ZNF577: variants seen among roughly 807,000 people sequenced by gnomAD.
ZNF577 encodes the protein zinc finger protein 577.
Under a neutral mutation model 13.9 loss-of-function variants are expected in ZNF577, and 14 were observed. The ratio of observed to expected loss-of-function variants is 1.00; its 90% confidence interval spans 0.66 to 1.57. The LOEUF is 1.57. Ranked by LOEUF, ZNF577 falls within the 40% of genes most tolerant of loss-of-function variation. The probability of loss-of-function intolerance (pLI) is 0.00; values close to 1 mark genes in which losing one functional copy is unlikely to be tolerated. For synonymous variants in ZNF577, 203 were observed against 202.9 expected (o/e 1.00, Z 0.00); for missense variants, 555 against 579.2 (o/e 0.96, Z 0.43).
At chr19:51,811,325 C>A (rs985146393) in intron 10 of ZNF577, 1 of 152,162 alleles carries the variant, frequency 6.6e-6, no homozygotes, top group Non-Finnish European at 1.5e-5. Context: ...AACCTGAGCA[C>A]CAGTTTGTTT....
chr19:51,838,504 T>TA (rs994763218), intron 9 of ZNF577, among the ~76,000 whole-genome samples: 21 of 149,260 alleles, frequency 1.4e-4, no homozygotes, highest in Non-Finnish European at 2.8e-4. Flanking sequence ...AATTTTTTTT[T>TA]AAAATAGCCA....
intron 9 of ZNF577, among the ~76,000 whole-genome samples, chr19:51,816,695 A>G (rs1359897259): frequency 6.6e-6 from 1 of 152,224 alleles, no homozygotes; most frequent in Non-Finnish European, 1.5e-5. Context: ...AGGTGGCCAC[A>G]TGGGACTTGC....
intron 5 of ZNF577, among the ~76,000 whole-genome samples, chr19:51,851,954 C>T (rs1247176079): frequency 6.6e-6 from 1 of 152,208 alleles, no homozygotes; most frequent in African/African-American, 2.4e-5. Context: ...TGCCACATCC[C>T]CAAGTCACGA....
At chr19:51,827,362 C>A (rs1025192289) in intron 9 of ZNF577, among the ~76,000 whole-genome samples, 6 of 152,226 alleles carry the variant, frequency 3.9e-5, no homozygotes, top group Admixed American at 1.3e-4. Context: ...CACTTATTGG[C>A]ATGAGACAGT....
intron 5 of ZNF577, among the ~76,000 whole-genome samples, chr19:51,858,697 A>G (rs940539868): frequency 6.6e-6 from 1 of 152,206 alleles, no homozygotes; most frequent in African/African-American, 2.4e-5. Context: ...TGGAGGTAAA[A>G]AAAAACCTTG....
intron 9 of ZNF577, chr19:51,825,937 G>A (rs1456399412): frequency 6.0e-6 from 1 of 167,046 alleles, no homozygotes; most frequent in Non-Finnish European, 1.5e-5. Flanking sequence ...TAAGTAAAAT[G>A]TTTGCCATAG....
chr19:51,841,608 GA>G (rs1380313505), intron 8 of ZNF577, among the ~76,000 whole-genome samples: 1 of 151,880 alleles, frequency 6.6e-6, no homozygotes, highest in Non-Finnish European at 1.5e-5. Flanking sequence ...TAAAACTCAA[GA>G]AAAAAAATCT....
intron 2 of ZNF577, 68 bp downstream of exon 2, chr19:51,880,608 CAGA>C: frequency 3.5e-6 from 2 of 572,852 alleles, no homozygotes; most frequent in South Asian, 2.2e-5. Flanking sequence ...CTCATTTAAC[CAGA>C]CTGTCTTTTA....
chr19:51,861,293 T>TG (rs200979439), intron 5 of ZNF577: 5,000 of 164,418 alleles, frequency 0.03, 267 homozygotes, highest in African/African-American at 0.11. Flanking sequence ...ATTTGTTTTT[T>TG]TTTTTTTTTG....
Position 51,869,565 on chromosome 19 carries a change from T to G in ZNF577, c.*2967A>C, listed in dbSNP as rs550817948. Among the ~76,000 whole-genome samples, 6 of 152,244 alleles carry G rather than the reference T, an allele frequency of 3.9e-5. No homozygotes were observed. In the South Asian group the frequency reaches 1.2e-3, roughly 32 times the overall value. On this transcript the variant is annotated 3_prime_UTR_variant, in exon 6 of 6. Coordinates refer to ENST00000638348, the MANE Select transcript of ZNF577 (RefSeq NM_001370449.1). ...CCAGTGCCGGTGCGGGTCCTCCATA[T>G]GCTGAGCACCGGTCCCCTGGGGCCA...
At chr19:51,817,389 A>AAGAG (rs910161184) in intron 9 of ZNF577, among the ~76,000 whole-genome samples, 2 of 150,846 alleles carry the variant, frequency 1.3e-5, no homozygotes, top group African/African-American at 2.4e-5. Context: ...AGAAATCATA[A>AAGAG]AGAGAGAGAG....
intron 9 of ZNF577, among the ~76,000 whole-genome samples, chr19:51,815,981 C>A (rs1289955828): frequency 1.3e-5 from 2 of 151,788 alleles, no homozygotes; most frequent in Non-Finnish European, 2.9e-5. Flanking sequence ...GTGGGAGGAT[C>A]ACTTGAGCCC....
chr19:51,805,551 G>C (rs1482107422), intron 10 of ZNF577, among the ~76,000 whole-genome samples: 2 of 152,218 alleles, frequency 1.3e-5, no homozygotes, highest in African/African-American at 4.8e-5. Context: ...ACAAATACGA[G>C]TGTGATTAAA....
At chr19:51,885,727 C>T (rs113152755) in intron 1 of ZNF577, among the ~76,000 whole-genome samples, 2,286 of 152,222 alleles carry the variant, frequency 0.015, 73 homozygotes, top group African/African-American at 0.052. Flanking sequence ...CCAGATGTCT[C>T]GAACTCCTGA....
At position 51,873,137 on chromosome 19, in the gene ZNF577, G is replaced by T; in HGVS notation, c.853C>A (p.Leu285Ile). Residue 285 changes from leucine to isoleucine, a missense_variant, in exon 6 of 6, where the codon CTC (leucine) becomes ATC (isoleucine). By Grantham distance (5) the Leu-to-Ile change is conservative (BLOSUM62 2). Transcript: ENST00000638348. ...CGKAFSQKAY[L>I]TAHQRLHTGD... ...GTGTGAAGTCTCTGGTGTGCAGTGAGGTATGCCTTCTGAGAAAAGGCTTTC... is the reference window on the plus strand; with the variant it reads ...GTGTGAAGTCTCTGGTGTGCAGTGATGTATGCCTTCTGAGAAAAGGCTTTC... The T allele has an allele frequency of 6.2e-7, 1 of 1,614,134 alleles. No individual in the cohort carries two copies. Among genetic ancestry groups the T allele is most frequent in the South Asian group, 1.1e-5 (1 of 91,080 alleles).
downstream of ZNF577, among the ~76,000 whole-genome samples, chr19:51,864,192 T>C (rs140568073): frequency 0.011 from 1,619 of 152,354 alleles, 27 homozygotes; most frequent in African/African-American, 0.034. Flanking sequence ...CTACATCATA[T>C]AGCATTTTTT....
chr19:51,860,676 A>G (rs2084487519), intron 5 of ZNF577: 1 of 195,406 alleles, frequency 5.1e-6, no homozygotes, highest in African/African-American at 2.4e-5. Flanking sequence ...AGAAGGACCT[A>G]TCTACCACAT....
intron 5 of ZNF577, chr19:51,860,791 A>C (rs1205287506): frequency 6.9e-6 from 2 of 290,194 alleles, no homozygotes; most frequent in East Asian, 3.0e-4. Flanking sequence ...TATAACAAGA[A>C]AGATAAACAT....
chr19:51,810,115 A>G (rs1251762380), intron 10 of ZNF577, among the ~76,000 whole-genome samples: 3 of 152,156 alleles, frequency 2.0e-5, no homozygotes, highest in African/African-American at 7.2e-5. Flanking sequence ...GTTTTTCACA[A>G]TTATAACATT....
Sources: allele counts gnomAD v4.1 joint callset (sites outside exome capture counted in the v4.1 genomes callset), GRCh38; gene constraint gnomAD v4.1.1; transcripts MANE v1.5; gene names NCBI Gene and HGNC (gene_info 2026-07-23, HGNC 2026-07-21).